CD109: variants seen among roughly 807,000 people sequenced by gnomAD.
CD109 encodes the protein CD109 antigen.
A neutral mutation model predicts 165.8 loss-of-function variants in CD109; 149 were observed. That is an observed-to-expected ratio of 0.90 (90% CI 0.79 to 1.03). The LOEUF is 1.03. Ranked by LOEUF, CD109 falls within the 50% of genes least tolerant of loss-of-function variation. The pLI is 0.00. For synonymous variants in CD109, 585 were observed against 592.1 expected (o/e 0.99, Z 0.18); for missense variants, 1,712 against 1,677.8 (o/e 1.02, Z -0.36).
chr6:73,810,888 T>A, intron 27 of CD109, 104 bp from the exon 28 acceptor site: 4 of 1,137,732 alleles, frequency 3.5e-6, no homozygotes, highest in Non-Finnish European at 5.0e-6. Flanking sequence ...CATTCCACTC[T>A]GAAGGAAGGT....
At chr6:73,782,296 T>TA (rs1391292557) in intron 17 of CD109, among the ~76,000 whole-genome samples, 1 of 152,240 alleles carries the variant, frequency 6.6e-6, no homozygotes, top group African/African-American at 2.4e-5. Flanking sequence ...TATAACCCTC[T>TA]ATCCTAGACA....
chr6:73,809,862 T>C (rs1775690438), intron 26 of CD109, 122 bp from the exon 27 acceptor site: 1 of 647,884 alleles, frequency 1.5e-6, no homozygotes, highest in South Asian at 2.1e-5. Flanking sequence ...TAAATACATG[T>C]ATACAAGTAT....
intron 11 of CD109, among the ~76,000 whole-genome samples, 194 bp downstream of exon 11, chr6:73,766,348 G>A (rs1773844994): frequency 1.3e-5 from 2 of 152,098 alleles, no homozygotes; most frequent in Non-Finnish European, 2.9e-5. Flanking sequence ...TTCCTTGTAA[G>A]TTCATTTTGA....
chr6:73,788,359 A>T, intron 21 of CD109, 109 bp from the exon 22 acceptor site: 1 of 859,658 alleles, frequency 1.2e-6, no homozygotes, highest in Non-Finnish European at 1.7e-6. Context: ...ATTTAGCCAC[A>T]CACAAACCTC....
chr6:73,755,327 C>T (rs530893238), intron 5 of CD109, among the ~76,000 whole-genome samples: 1 of 152,224 alleles, frequency 6.6e-6, no homozygotes, highest in East Asian at 1.9e-4. Context: ...TATTTTTCAA[C>T]AACAGCTAAC....
intron 31 of CD109, 27 bp from the exon 32 acceptor site, chr6:73,820,434 C>T: frequency 3.8e-6 from 5 of 1,317,252 alleles, no homozygotes; most frequent in Non-Finnish European, 5.5e-6. Context: ...TGTGCCAACC[C>T]CTTAAGACTC....
intron 2 of CD109, among the ~76,000 whole-genome samples, chr6:73,708,405 A>T (rs532198497): frequency 5.9e-5 from 9 of 152,244 alleles, no homozygotes; most frequent in African/African-American, 1.9e-4. Flanking sequence ...TTGTTGTTGG[A>T]CATTTGGGTT....
At chr6:73,728,292 A>G (rs888534482) in intron 3 of CD109, among the ~76,000 whole-genome samples, 1 of 152,200 alleles carries the variant, frequency 6.6e-6, no homozygotes, top group Non-Finnish European at 1.5e-5. Flanking sequence ...CCTGGGCAAC[A>G]GAGCAAGAGT....
At chr6:73,805,525 A>G (rs1192969597) in intron 24 of CD109, among the ~76,000 whole-genome samples, 1 of 152,134 alleles carries the variant, frequency 6.6e-6, no homozygotes, top group Non-Finnish European at 1.5e-5. Flanking sequence ...TCAACTGCAA[A>G]GAGGTGTTCC....
At chr6:73,810,280 G>A in intron 27 of CD109, 106 bp downstream of exon 27, 3 of 311,758 alleles carry the variant, frequency 9.6e-6, no homozygotes, top group Non-Finnish European at 1.5e-5. Context: ...TAAATCATAT[G>A]TTATATATAA....
At chr6:73,792,181 C>T (rs1047539245) in intron 22 of CD109, among the ~76,000 whole-genome samples, 6 of 152,070 alleles carry the variant, frequency 3.9e-5, no homozygotes, top group Admixed American at 1.3e-4. Flanking sequence ...ACACTACAAT[C>T]CTCATTGTTT....
intron 28 of CD109, among the ~76,000 whole-genome samples, 181 bp downstream of exon 28, chr6:73,811,328 T>C (rs558521363): frequency 5.3e-5 from 8 of 152,230 alleles, no homozygotes; most frequent in African/African-American, 1.9e-4. Flanking sequence ...TGGGGAACTT[T>C]GGAAAGATTG....
intron 15 of CD109, among the ~76,000 whole-genome samples, chr6:73,778,614 G>T (rs949409674): frequency 6.6e-6 from 1 of 152,072 alleles, no homozygotes; most frequent in Admixed American, 6.6e-5. Context: ...AATATGCCTG[G>T]CTCTGGCTCC....
rs1773668725 is a variant in CD109, at chr6:73,762,375, A to G, written c.759-9A>G. The G allele has an allele frequency of 1.3e-6, 2 of 1,527,532 alleles. No individual in the cohort carries two copies. The highest frequency in any genetic ancestry group is 3.4e-5 in the Admixed American group (2 of 58,444). 94.6% of individuals were successfully genotyped at this position (1,527,532 alleles called of 1,614,324 possible). A position where few individuals can be genotyped will look rare whatever the true frequency, so the allele number is the denominator to read the frequency against. On this transcript the variant is annotated splice_polypyrimidine_tract_variant and intron_variant, in intron 7 of 32. Transcript: ENST00000287097. ...GATACATAAAAAGACTATGTTTATAATTATTCAGGTATACATATGGGAAGC... is the reference window on the plus strand; with the variant it reads ...GATACATAAAAAGACTATGTTTATAGTTATTCAGGTATACATATGGGAAGC...
intron 30 of CD109, 94 bp from the exon 31 acceptor site, chr6:73,818,294 C>T (rs1158145273): frequency 1.5e-6 from 2 of 1,306,294 alleles, no homozygotes; most frequent in African/African-American, 1.5e-5. Flanking sequence ...TTTGGAATAA[C>T]ATTTGGTGGG....
rs1158584109 is a variant in CD109 at position 73,811,163 on chromosome 6, A to G, written c.3702+16A>G. ...GACAGCAGAGGTGTGGGCAAGGGGC[A>G]GTTATTTAAAAATCAGTGTAGACAA... On this transcript the variant is annotated intron_variant, in intron 28 of 32. Transcript: ENST00000287097. 6.2e-7 allele frequency: 1 copy of G among 1,606,654 alleles called. No homozygotes were observed. The highest frequency in any genetic ancestry group is 2.2e-5 in the East Asian group (1 of 44,770).
At chr6:73,743,830 T>C (rs903802358) in intron 5 of CD109, among the ~76,000 whole-genome samples, 1 of 152,258 alleles carries the variant, frequency 6.6e-6, no homozygotes, top group African/African-American at 2.4e-5. Context: ...TCTTTGCTTA[T>C]AAGAAGAATG....
intron 2 of CD109, among the ~76,000 whole-genome samples, chr6:73,712,256 G>A (rs1349188859): frequency 2.6e-5 from 4 of 152,126 alleles, no homozygotes; most frequent in South Asian, 2.1e-4. Context: ...ATGAATTTGT[G>A]GGGGGAAAAC....
At chr6:73,699,085 G>A (rs1371993491) in intron 2 of CD109, among the ~76,000 whole-genome samples, 1 of 152,118 alleles carries the variant, frequency 6.6e-6, no homozygotes, top group Non-Finnish European at 1.5e-5. Context: ...TTCGTTATTG[G>A]ACTATCATTT....
Sources: gnomAD v4.1 joint callset for allele counts (sites outside exome capture counted in the v4.1 genomes callset) on GRCh38, gnomAD v4.1.1 for gene constraint, MANE v1.5 for transcripts, NCBI Gene and HGNC (gene_info 2026-07-23, HGNC 2026-07-21) for gene names.